Variants in PABPC4L observed in about 807,000 individuals in gnomAD.
The protein encoded by PABPC4L is poly(A) binding protein cytoplasmic 4 like, also known as polyadenylate-binding protein 4-like.
For missense variants in PABPC4L, 452 were observed against 451.4 expected, an observed-to-expected ratio of 1.00 and a Z score of -0.01; for synonymous variants, 169 against 164.1, an observed-to-expected ratio of 1.03 and a Z score of -0.23.
the PABPC4L span, among the ~76,000 whole-genome samples, chr4:133,954,614 C>A: frequency 6.6e-6 from 1 of 151,986 alleles, no homozygotes; most frequent in Non-Finnish European, 1.5e-5. Flanking sequence ...TTCCCTCTTT[C>A]CTTTGTTCCC....
the PABPC4L span, among the ~76,000 whole-genome samples, chr4:134,092,204 G>A: frequency 6.6e-6 from 1 of 151,838 alleles, no homozygotes; most frequent in Non-Finnish European, 1.5e-5. Flanking sequence ...CCCACCCAAT[G>A]TTGCTTTTTC....
the PABPC4L span, among the ~76,000 whole-genome samples, chr4:133,997,913 T>A: frequency 6.6e-6 from 1 of 152,118 alleles, no homozygotes; most frequent in African/African-American, 2.4e-5. Flanking sequence ...TTAATTTATA[T>A]TTTATGTAGT....
chr4:133,950,834 A>AAGC, the PABPC4L span, among the ~76,000 whole-genome samples: 3 of 152,152 alleles, frequency 2.0e-5, no homozygotes, highest in Non-Finnish European at 4.4e-5. Context: ...CCTCTGCTGG[A>AAGC]AGCAAGAGGC....
At chr4:134,066,050 G>A in the PABPC4L span, among the ~76,000 whole-genome samples, 2 of 152,148 alleles carry the variant, frequency 1.3e-5, no homozygotes, top group Admixed American at 6.6e-5. Context: ...GATGCTTTCA[G>A]TTTTGTTCTT....
chr4:134,184,664 C>G, the PABPC4L span, among the ~76,000 whole-genome samples: 1 of 152,018 alleles, frequency 6.6e-6, no homozygotes, highest in African/African-American at 2.4e-5. Flanking sequence ...CTGAAGGGCA[C>G]CTTGGTGTGG....
At chr4:134,007,845 T>C in the PABPC4L span, among the ~76,000 whole-genome samples, 1 of 151,784 alleles carries the variant, frequency 6.6e-6, no homozygotes, top group African/African-American at 2.4e-5. Flanking sequence ...AAATATTTTA[T>C]TGTCAAAACT....
At chr4:133,970,740 G>C in the PABPC4L span, among the ~76,000 whole-genome samples, 1 of 152,076 alleles carries the variant, frequency 6.6e-6, no homozygotes, top group Non-Finnish European at 1.5e-5. Context: ...TAGGTCATGA[G>C]AGCACAGCTC....
the PABPC4L span, among the ~76,000 whole-genome samples, chr4:134,122,641 A>G: frequency 6.6e-6 from 1 of 151,866 alleles, no homozygotes; most frequent in African/African-American, 2.4e-5. Flanking sequence ...ATAATTTTAA[A>G]ACAAACTTGA....
the PABPC4L span, among the ~76,000 whole-genome samples, chr4:134,153,539 T>A: frequency 6.6e-6 from 1 of 152,210 alleles, no homozygotes; most frequent in African/African-American, 2.4e-5. Context: ...ATTTATTTAA[T>A]GTGAATAAGG....
At chr4:134,000,579 G>A in the PABPC4L span, among the ~76,000 whole-genome samples, 11 of 152,234 alleles carry the variant, frequency 7.2e-5, no homozygotes, top group South Asian at 1.7e-3. Flanking sequence ...ATCTCAGAAT[G>A]CTCAGATAAC....
the PABPC4L span, among the ~76,000 whole-genome samples, chr4:134,057,851 T>C: frequency 1.1e-4 from 16 of 152,234 alleles, no homozygotes; most frequent in African/African-American, 3.8e-4. Flanking sequence ...ATTTTATATA[T>C]AATTTTCAGG....
chr4:134,140,534 T>G, the PABPC4L span, among the ~76,000 whole-genome samples: 1 of 151,846 alleles, frequency 6.6e-6, no homozygotes, highest in Non-Finnish European at 1.5e-5. Context: ...ATGATGGCTG[T>G]CAGCCATACT....
At chr4:134,112,616 ATATATC>A in the PABPC4L span, among the ~76,000 whole-genome samples, 1 of 149,582 alleles carries the variant, frequency 6.7e-6, no homozygotes, top group Non-Finnish European at 1.5e-5. Context: ...CTATCTATCT[ATATATC>A]TATCTATATA....
At chr4:133,950,978 C>T in the PABPC4L span, among the ~76,000 whole-genome samples, 1 of 152,174 alleles carries the variant, frequency 6.6e-6, no homozygotes, top group African/African-American at 2.4e-5. Flanking sequence ...ATACATAATG[C>T]TGTCTTGGCC....
the PABPC4L span, among the ~76,000 whole-genome samples, chr4:134,175,879 A>G: frequency 1.3e-5 from 2 of 152,310 alleles, no homozygotes; most frequent in Non-Finnish European, 2.9e-5. Context: ...AACAAATAGA[A>G]GAAAAAAAAT....
the PABPC4L span, among the ~76,000 whole-genome samples, chr4:133,949,175 C>T: frequency 1.3e-5 from 2 of 152,314 alleles, no homozygotes; most frequent in South Asian, 4.1e-4. Context: ...GAATGACTCA[C>T]CCAACCTTGA....
chr4:133,973,583 G>A, the PABPC4L span, among the ~76,000 whole-genome samples: 1 of 151,986 alleles, frequency 6.6e-6, no homozygotes, highest in South Asian at 2.1e-4. Flanking sequence ...CATGACTGAT[G>A]AAAACCAGTA....
the PABPC4L span, among the ~76,000 whole-genome samples, chr4:134,072,519 A>G: frequency 6.6e-6 from 1 of 152,210 alleles, no homozygotes; most frequent in African/African-American, 2.4e-5. Context: ...TACATTTTAT[A>G]ACAACCTGCA....
At chr4:134,075,454 A>G in the PABPC4L span, among the ~76,000 whole-genome samples, 1 of 152,306 alleles carries the variant, frequency 6.6e-6, no homozygotes, top group Non-Finnish European at 1.5e-5. Context: ...AGAAGCTTCA[A>G]CTGGAGTGAT....
Sources: gnomAD v4.1 joint callset for allele counts (sites outside exome capture counted in the v4.1 genomes callset) on GRCh38, gnomAD v4.1.1 for gene constraint, MANE v1.5 for transcripts, NCBI Gene and HGNC (gene_info 2026-07-23, HGNC 2026-07-21) for gene names.